SND1: variants seen among roughly 807,000 people sequenced by gnomAD.
SND1 encodes staphylococcal nuclease domain-containing protein 1.
SND1 carries 38 observed loss-of-function variants against 121.7 expected under a neutral mutation model. That is an observed-to-expected ratio of 0.31 (90% CI 0.24 to 0.41). SND1 has a LOEUF of 0.41. Ranked by LOEUF, SND1 falls within the 10% of genes least tolerant of loss-of-function variation. The pLI is 1.00. For missense variants in SND1, 868 were observed against 1,184.6 expected, an observed-to-expected ratio of 0.73 and a Z score of 3.92; for synonymous variants, 401 against 447.4, an observed-to-expected ratio of 0.90 and a Z score of 1.31.
At chr7:127,811,070 T>C (rs1490846281) in intron 11 of SND1, among the ~76,000 whole-genome samples, 1 of 152,206 alleles carries the variant, frequency 6.6e-6, no homozygotes, top group African/African-American at 2.4e-5. Flanking sequence ...AATGTCCCTT[T>C]TACTATTTCT....
intron 16 of SND1, among the ~76,000 whole-genome samples, chr7:128,074,176 G>A (rs985342309): frequency 4.6e-5 from 7 of 152,256 alleles, no homozygotes; most frequent in African/African-American, 1.4e-4. Context: ...AGAGTGGGAG[G>A]CACCAAGACC....
chr7:127,716,717 G>A (rs905152839), intron 9 of SND1, among the ~76,000 whole-genome samples: 1 of 152,094 alleles, frequency 6.6e-6, no homozygotes, highest in Non-Finnish European at 1.5e-5. Flanking sequence ...GGCTAAGACT[G>A]TCAGTACTAT....
intron 15 of SND1, among the ~76,000 whole-genome samples, chr7:127,950,861 G>A (rs741094): frequency 0.22 from 33,822 of 152,110 alleles, 4,242 homozygotes; most frequent in Middle Eastern, 0.33. Context: ...TAGCAAGTAT[G>A]AGCAAGAACC....
chr7:127,936,865 G>T (rs563182293), intron 15 of SND1, among the ~76,000 whole-genome samples: 4 of 152,236 alleles, frequency 2.6e-5, no homozygotes, highest in African/African-American at 9.6e-5. Flanking sequence ...TTACCTAAAA[G>T]CCCCCAGTGG....
chr7:127,984,069 T>A (rs1026358688), intron 15 of SND1, among the ~76,000 whole-genome samples: 6 of 152,202 alleles, frequency 3.9e-5, no homozygotes, highest in African/African-American at 1.4e-4. Flanking sequence ...ATCTTCCCTT[T>A]AAAGGCAGGT....
intron 15 of SND1, among the ~76,000 whole-genome samples, chr7:127,982,232 T>C (rs906320094): frequency 6.6e-6 from 1 of 152,236 alleles, no homozygotes; most frequent in Non-Finnish European, 1.5e-5. Context: ...TTCCATTGCA[T>C]TGTGAAGACT....
chr7:127,843,088 T>G (rs1196301471), intron 11 of SND1, among the ~76,000 whole-genome samples: 1 of 152,162 alleles, frequency 6.6e-6, no homozygotes, highest in Non-Finnish European at 1.5e-5. Flanking sequence ...TTTTCTTTCT[T>G]TTTAAAATGG....
In SND1 at chr7:127,686,741, T is replaced by G. The variant is rs1355022297; in HGVS notation, c.207T>G (p.Asp69Glu). Residue 69 changes from aspartate (D) to glutamate (E), a missense_variant, in exon 2 of 24, where the codon GAT becomes GAG. This residue lies in a region of SND1 where 125 missense variants were observed against 113.3 expected (regional missense o/e 1.10). Transcript: ENST00000354725. ...LARRAAATQP[D>E]AKDTPDEPWA... ...GCCGGGCAGCCGCCACACAACCTGATGCAAAGGATACCCCTGATGAGGTAG... is the reference window on the plus strand; with the variant it reads ...GCCGGGCAGCCGCCACACAACCTGAGGCAAAGGATACCCCTGATGAGGTAG... 6.2e-7 allele frequency: 1 copy of G among 1,613,912 alleles called. No homozygotes were observed. The highest frequency in any genetic ancestry group is 1.3e-5 in the African/African-American group (1 of 74,940).
intron 12 of SND1, among the ~76,000 whole-genome samples, chr7:127,855,153 C>A (rs937417159): frequency 2.0e-5 from 3 of 152,094 alleles, no homozygotes; most frequent in African/African-American, 4.8e-5. Context: ...GGGTCTCACT[C>A]TGTCACCCAT....
At chr7:127,890,799 G>A (rs77323095) in intron 13 of SND1, among the ~76,000 whole-genome samples, 499 of 152,202 alleles carry the variant, frequency 3.3e-3, no homozygotes, top group Non-Finnish European at 5.4e-3. Context: ...TGCTTATTTT[G>A]TGCAGAAGTA....
intron 15 of SND1, among the ~76,000 whole-genome samples, chr7:127,955,623 G>C (rs555194843): frequency 6.6e-6 from 1 of 152,106 alleles, no homozygotes; most frequent in Non-Finnish European, 1.5e-5. Context: ...GTCATGCTTT[G>C]TTCAACCTGC....
intron 11 of SND1, among the ~76,000 whole-genome samples, chr7:127,830,982 G>A (rs535768262): frequency 2.6e-4 from 39 of 152,336 alleles, no homozygotes; most frequent in African/African-American, 9.4e-4. Context: ...TTCATCAGAT[G>A]ATCTGCTGCT....
chr7:127,718,232 T>C (rs1796424204), intron 9 of SND1, among the ~76,000 whole-genome samples: 1 of 152,100 alleles, frequency 6.6e-6, no homozygotes, highest in South Asian at 2.1e-4. Flanking sequence ...AAGTGGGCAG[T>C]GTGGGCATAC....
At position 127,669,691 on chromosome 7, in the gene SND1, C is replaced by G. The variant is rs1201670744; in HGVS notation, c.79-16922C>G. Among the ~76,000 whole-genome samples, 4 of 152,220 alleles carry G rather than the reference C, an allele frequency of 2.6e-5. No individual in the cohort carries two copies. The East Asian group carries it at 7.7e-4, about 29-fold the overall frequency. ...ACAAAAATACATCTGAATGCCTACA[C>G]TGAGAGCAATGACAGAGTAACAGTA... On this transcript the variant is annotated intron_variant, in intron 1 of 23. Transcript: ENST00000354725.
chr7:127,759,307 A>G (rs1797257963), intron 10 of SND1, among the ~76,000 whole-genome samples: 1 of 152,122 alleles, frequency 6.6e-6, no homozygotes, highest in South Asian at 2.1e-4. Context: ...AATCAAATTA[A>G]TTTTTATCAA....
At chr7:127,682,745 C>T (rs1587592738) in intron 1 of SND1, among the ~76,000 whole-genome samples, 1 of 152,148 alleles carries the variant, frequency 6.6e-6, no homozygotes, top group Admixed American at 6.5e-5. Flanking sequence ...GTCTGTCTCC[C>T]CCTACTAGAA....
intron 9 of SND1, among the ~76,000 whole-genome samples, chr7:127,715,559 C>A (rs1377178909): frequency 5.3e-5 from 8 of 152,010 alleles, no homozygotes; most frequent in Non-Finnish European, 1.0e-4. Context: ...CACTTGTAAG[C>A]CTCTTTGCCT....
chr7:127,886,122 G>A (rs897224227), intron 12 of SND1, among the ~76,000 whole-genome samples: 4 of 152,078 alleles, frequency 2.6e-5, no homozygotes, highest in African/African-American at 9.7e-5. Flanking sequence ...AGGAGACAGG[G>A]TGGCCAGCAA....
intron 14 of SND1, among the ~76,000 whole-genome samples, chr7:127,923,587 A>T (rs780590845): frequency 6.6e-6 from 1 of 152,226 alleles, no homozygotes; most frequent in Non-Finnish European, 1.5e-5. Flanking sequence ...CTGGCTCTTC[A>T]TCGAATCATA....
Sources: gnomAD v4.1 joint callset for allele counts (sites outside exome capture counted in the v4.1 genomes callset) on GRCh38, gnomAD v4.1.1 for gene constraint, gnomAD v4.1.1 regional missense constraint, MANE v1.5 for transcripts, NCBI Gene and HGNC (gene_info 2026-07-23, HGNC 2026-07-21) for gene names.